The following ALMS1 variants were observed in gnomAD, a reference collection of about 807,000 sequenced individuals.
ALMS1 encodes the protein ALMS1 centrosome and basal body associated protein.
In ALMS1, 271 loss-of-function variants were observed where a neutral mutation model predicts 352.2. The ratio of observed to expected loss-of-function variants is 0.77; its 90% confidence interval spans 0.70 to 0.85. The LOEUF (loss-of-function observed/expected upper bound fraction) is 0.85, where lower values mean the gene tolerates loss of function less well. Ranked by LOEUF, ALMS1 falls within the 40% of genes least tolerant of loss-of-function variation. The probability of loss-of-function intolerance (pLI) is 0.00; values close to 1 mark genes in which losing one functional copy is unlikely to be tolerated. For missense variants in ALMS1, 5,445 were observed against 4,870.7 expected (o/e 1.12, Z -3.51); for synonymous variants, 1,865 against 1,761.2 (o/e 1.06, Z -1.48).
intron 9 of ALMS1, among the ~76,000 whole-genome samples, chr2:73,484,953 G>T (rs1029831732): frequency 1.3e-5 from 2 of 152,004 alleles, no homozygotes; most frequent in Admixed American, 1.3e-4. Context: ...TCTCTGTATT[G>T]GTTATTCTAG....
chr2:73,548,876 T>A (rs760671284), intron 12 of ALMS1, among the ~76,000 whole-genome samples: 3 of 152,098 alleles, frequency 2.0e-5, no homozygotes, highest in African/African-American at 7.2e-5. Flanking sequence ...AACTCCACCA[T>A]TGAGAGATTT....
Position 73,609,654 on chromosome 2 carries a change from G to T in ALMS1, c.*42G>T. 1 of 1,579,682 alleles carries T rather than the reference G, an allele frequency of 6.3e-7. No homozygotes were observed. Among genetic ancestry groups the T allele is most frequent in the Non-Finnish European group, 8.7e-7 (1 of 1,148,696 alleles). On this transcript the variant is annotated 3_prime_UTR_variant, in exon 23 of 23. Coordinates refer to ENST00000613296, the MANE Select transcript of ALMS1 (RefSeq NM_001378454.1). ...TCAGAGCCTTGGAATTCTATTTTATGAACCTAGAGAAGCAGAATCCTTACT... is the reference window on the plus strand; with the variant it reads ...TCAGAGCCTTGGAATTCTATTTTATTAACCTAGAGAAGCAGAATCCTTACT...
intron 15 of ALMS1, among the ~76,000 whole-genome samples, chr2:73,567,196 A>G (rs1396940055): frequency 1.3e-5 from 2 of 152,204 alleles, no homozygotes; most frequent in Non-Finnish European, 2.9e-5. Flanking sequence ...CCCTCTAAAC[A>G]TATGGTTGTT....
intron 13 of ALMS1, among the ~76,000 whole-genome samples, chr2:73,556,435 A>G (rs546365011): frequency 6.6e-6 from 1 of 152,278 alleles, no homozygotes; most frequent in East Asian, 1.9e-4. Flanking sequence ...GACAAGTTTA[A>G]AAGGCTATAA....
intron 16 of ALMS1, among the ~76,000 whole-genome samples, chr2:73,593,169 C>T (rs1265764857): frequency 1.3e-5 from 2 of 150,910 alleles, no homozygotes; most frequent in Non-Finnish European, 2.9e-5. Flanking sequence ...GGTTTACTGA[C>T]CGCATATATA....
chr2:73,484,550 G>A (rs1036067559), intron 9 of ALMS1, among the ~76,000 whole-genome samples: 1 of 151,208 alleles, frequency 6.6e-6, no homozygotes, highest in Non-Finnish European at 1.5e-5. Context: ...CAATTAATGT[G>A]TCTTGGAGTT....
chr2:73,519,405 C>G (rs993254659), intron 10 of ALMS1, among the ~76,000 whole-genome samples: 1 of 152,120 alleles, frequency 6.6e-6, no homozygotes, highest in Admixed American at 6.5e-5. Flanking sequence ...ACAGAATGCT[C>G]TGTTTCTTGT....
chr2:73,437,383 TGAGCTGGGGGTAGGGATGATTA>T (rs1415371671), intron 7 of ALMS1, among the ~76,000 whole-genome samples: 4 of 152,156 alleles, frequency 2.6e-5, no homozygotes, highest in Non-Finnish European at 5.9e-5. Context: ...CACCTACAAG[TGAGCTGGGGGTAGGGATGATTA>T]GAGCTTGGTA....
At chr2:73,540,889 C>T (rs573629150) in intron 12 of ALMS1, among the ~76,000 whole-genome samples, 1 of 152,272 alleles carries the variant, frequency 6.6e-6, no homozygotes, top group East Asian at 1.9e-4. Flanking sequence ...CCTTAGAGAC[C>T]TACAAAGAGA....
At chr2:73,538,051 A>G (rs555270924) in intron 12 of ALMS1, among the ~76,000 whole-genome samples, 10 of 152,294 alleles carry the variant, frequency 6.6e-5, no homozygotes, top group African/African-American at 1.9e-4. Context: ...AGAAAAATAT[A>G]TATGGGAGAC....
intron 13 of ALMS1, among the ~76,000 whole-genome samples, chr2:73,551,275 G>A (rs1371596117): frequency 1.3e-5 from 2 of 152,028 alleles, no homozygotes; most frequent in African/African-American, 2.4e-5. Flanking sequence ...ATTCATGGTG[G>A]TAATCAGCTG....
intron 9 of ALMS1, among the ~76,000 whole-genome samples, chr2:73,467,852 A>G (rs2103834026): frequency 6.6e-6 from 1 of 152,204 alleles, no homozygotes; most frequent in East Asian, 1.9e-4. Context: ...CATACTGAAT[A>G]ATTCCATTCA....
chr2:73,527,027 A>C (rs1047584785), intron 11 of ALMS1, among the ~76,000 whole-genome samples: 4 of 152,120 alleles, frequency 2.6e-5, no homozygotes, highest in African/African-American at 9.7e-5. Flanking sequence ...AATTGAAATG[A>C]TCATGTGGTT....
At chr2:73,435,672 C>G (rs976647602) in intron 7 of ALMS1, among the ~76,000 whole-genome samples, 1 of 151,842 alleles carries the variant, frequency 6.6e-6, no homozygotes, top group Non-Finnish European at 1.5e-5. Context: ...ATGATCATAG[C>G]TCACTCTAAC....
chr2:73,576,597 G>C (rs1675058242), intron 16 of ALMS1, among the ~76,000 whole-genome samples: 1 of 150,434 alleles, frequency 6.6e-6, no homozygotes, highest in Non-Finnish European at 1.5e-5. Flanking sequence ...CATCTATTGA[G>C]ATTACTAGTT....
intron 16 of ALMS1, among the ~76,000 whole-genome samples, chr2:73,585,825 T>G (rs114911231): frequency 0.015 from 2,139 of 147,376 alleles, 54 homozygotes; most frequent in African/African-American, 0.051. Context: ...GCATCCCGGG[T>G]TCAAGCAGTT....
At chr2:73,524,151 A>G (rs1357775086) in intron 11 of ALMS1, among the ~76,000 whole-genome samples, 2 of 152,256 alleles carry the variant, frequency 1.3e-5, no homozygotes, top group Non-Finnish European at 2.9e-5. Context: ...TCTAGAATGG[A>G]AGGCTGAATA....
chr2:73,529,324 G>A (rs144685731), intron 11 of ALMS1, among the ~76,000 whole-genome samples: 83 of 152,238 alleles, frequency 5.5e-4, no homozygotes, highest in African/African-American at 1.9e-3. Context: ...AATTACAGGC[G>A]TGAGCCACTG....
rs182538260 is a variant in ALMS1 at position 73,554,670 on chromosome 2, G to A, written c.10079-2550G>A. The stretch of plus-strand genomic sequence containing the variant: ...GGAGCTTGCAGTGAGCCAAGATCAC[G>A]CCACTGCACTCCAGCCTGTCGTATT... On this transcript the variant is annotated intron_variant, in intron 13 of 22. Coordinates refer to ENST00000613296, the MANE Select transcript of ALMS1 (RefSeq NM_001378454.1). Among the ~76,000 whole-genome samples, 47 of 152,260 alleles carry A rather than the reference G, an allele frequency of 3.1e-4. No individual in the cohort carries two copies. The East Asian group carries it at 7.0e-3, about 23-fold the overall frequency.
Sources: allele counts gnomAD v4.1 joint callset (sites outside exome capture counted in the v4.1 genomes callset), GRCh38; gene constraint gnomAD v4.1.1; transcripts MANE v1.5; gene names NCBI Gene and HGNC (gene_info 2026-07-23, HGNC 2026-07-21).